Variants in MIPOL1 observed in about 807,000 individuals in gnomAD.
MIPOL1 encodes the protein mirror-image polydactyly 1.
Under a neutral mutation model 60.9 loss-of-function variants are expected in MIPOL1, and 57 were observed. The ratio of observed to expected loss-of-function variants is 0.94; its 90% confidence interval spans 0.76 to 1.17. The LOEUF (loss-of-function observed/expected upper bound fraction) is 1.17. MIPOL1 is among the 50% of genes most tolerant of loss of function. The probability of loss-of-function intolerance (pLI) is 0.00; values close to 1 mark genes in which losing one functional copy is unlikely to be tolerated. For missense variants in MIPOL1, 551 were observed against 511.6 expected (o/e 1.08, Z -0.74); for synonymous variants, 179 against 168.8 (o/e 1.06, Z -0.47).
intron 9 of MIPOL1, among the ~76,000 whole-genome samples, chr14:37,314,627 G>A (rs2087684222): frequency 6.6e-6 from 1 of 152,084 alleles, no homozygotes; most frequent in Non-Finnish European, 1.5e-5. Flanking sequence ...CTCACATGAA[G>A]CAATATTGAT....
intron 7 of MIPOL1, among the ~76,000 whole-genome samples, chr14:37,287,827 CCAT>C: frequency 1.3e-5 from 2 of 152,080 alleles, no homozygotes; most frequent in Middle Eastern, 6.8e-3. Context: ...CAGGGTTTCA[CCAT>C]GTTGCCCAGG....
intron 10 of MIPOL1, among the ~76,000 whole-genome samples, chr14:37,416,111 T>G (rs1426879577): frequency 6.6e-6 from 1 of 152,170 alleles, no homozygotes; most frequent in African/African-American, 2.4e-5. Context: ...ATAGTATAAG[T>G]CTTATACGTC....
rs1484405829 is a variant in MIPOL1 at position 37,205,184 on chromosome 14, A to G, written c.-199+7080A>G. Among the ~76,000 whole-genome samples, 4 of 151,818 alleles carry G rather than the reference A, an allele frequency of 2.6e-5. No individual in the cohort carries two copies. The East Asian group carries it at 7.7e-4, about 29-fold the overall frequency. ...AGTGACACGATCTCAGTTCACTGCA[A>G]CCTCCACCTCTGGGTTCAAGTGATT... On this transcript the variant is annotated intron_variant, in intron 1 of 12. Transcript: ENST00000684589.
chr14:37,425,527 G>C (rs953667904), intron 11 of MIPOL1, among the ~76,000 whole-genome samples: 6 of 152,088 alleles, frequency 3.9e-5, no homozygotes, highest in African/African-American at 1.4e-4. Flanking sequence ...ACTGGGATTT[G>C]CAATTAGACA....
intron 9 of MIPOL1, among the ~76,000 whole-genome samples, chr14:37,332,070 G>A (rs549449809): frequency 1.4e-4 from 22 of 152,122 alleles, no homozygotes; most frequent in African/African-American, 3.9e-4. Flanking sequence ...ACTGGGAGGC[G>A]GAGGTTGTAG....
intron 1 of MIPOL1, among the ~76,000 whole-genome samples, chr14:37,224,108 A>G (rs1054058655): frequency 1.3e-5 from 2 of 152,168 alleles, no homozygotes; most frequent in Non-Finnish European, 2.9e-5. Context: ...GTATCTAAAT[A>G]TTTATTTTAT....
In MIPOL1 at chr14:37,531,897, T is replaced by G. The variant is rs2095481802; in HGVS notation, c.1263-15008T>G. On this transcript the variant is annotated intron_variant, in intron 12 of 12. Coordinates refer to ENST00000684589, the MANE Select transcript of MIPOL1 (RefSeq NM_001388067.1). ...CTCCTCTGCTCTATAAGCTGTCATC[T>G]TGGTGGACAGAGAAGGTGGTGGGCC... Among the ~76,000 whole-genome samples, 2 of 152,200 alleles carry G rather than the reference T, an allele frequency of 1.3e-5. 1 individual carries two copies. Among genetic ancestry groups the G allele is most frequent in the African/African-American group, 4.8e-5 (2 of 41,448 alleles).
At chr14:37,263,287 A>G (rs2082639680) in intron 3 of MIPOL1, among the ~76,000 whole-genome samples, 1 of 152,186 alleles carries the variant, frequency 6.6e-6, no homozygotes, top group Non-Finnish European at 1.5e-5. Flanking sequence ...AAACAGCATG[A>G]AAGTCACTAG....
At chr14:37,464,632 T>A (rs1402547371) in intron 11 of MIPOL1, among the ~76,000 whole-genome samples, 3 of 152,142 alleles carry the variant, frequency 2.0e-5, no homozygotes, top group Admixed American at 6.5e-5. Flanking sequence ...GCCTGTTGGG[T>A]ACAATGTTCA....
Position 37,230,122 on chromosome 14 carries a change from G to T in MIPOL1, c.-198-16981G>T, listed in dbSNP as rs190974107. Among the ~76,000 whole-genome samples, 166 of 152,250 alleles carry T rather than the reference G, an allele frequency of 1.1e-3. 1 individual carries two copies. The highest frequency in any genetic ancestry group is 3.7e-3 in the African/African-American group (154 of 41,544). On this transcript the variant is annotated intron_variant, in intron 1 of 12. Transcript: ENST00000684589. ...TAATGCATATGTTAATTAGCTTGAT[G>T]CACCCATTCCACAATGTATATTTCA...
At chr14:37,452,788 G>A (rs2094437311) in intron 11 of MIPOL1, among the ~76,000 whole-genome samples, 1 of 152,182 alleles carries the variant, frequency 6.6e-6, no homozygotes, top group Non-Finnish European at 1.5e-5. Flanking sequence ...CAGTTTTGCA[G>A]CTCCCATTAA....
intron 11 of MIPOL1, among the ~76,000 whole-genome samples, chr14:37,474,251 C>T (rs985841699): frequency 6.6e-6 from 1 of 152,026 alleles, no homozygotes; most frequent in Non-Finnish European, 1.5e-5. Flanking sequence ...TTTGTATGGA[C>T]GTAGGTTTTT....
chr14:37,414,776 G>A (rs1158250698), intron 10 of MIPOL1, among the ~76,000 whole-genome samples: 1 of 152,094 alleles, frequency 6.6e-6, no homozygotes, highest in Non-Finnish European at 1.5e-5. Context: ...AAGTAAACAG[G>A]CACAGGTCTG....
rs568139708 is a variant in MIPOL1, at chr14:37,257,615, G to C, written c.20-9323G>C. The stretch of plus-strand genomic sequence containing the variant: ...TGGTGGATCTGGAAATCATAGCTAG[G>C]GTTCCCACAGGAAATGGTCCATCTA... On this transcript the variant is annotated intron_variant, in intron 3 of 12. Transcript: ENST00000684589. Among the ~76,000 whole-genome samples the C allele has an allele frequency of 2.0e-5, 3 of 152,202 alleles. No individual in the cohort carries two copies. In the South Asian group the frequency reaches 6.2e-4, roughly 32 times the overall value.
chr14:37,266,686 GC>G (rs1428111424), intron 3 of MIPOL1, among the ~76,000 whole-genome samples: 1 of 151,986 alleles, frequency 6.6e-6, no homozygotes, highest in Non-Finnish European at 1.5e-5. Context: ...AACTATAAAA[GC>G]CCCCAGGTCC....
At chr14:37,489,972 G>C (rs1266794600) in intron 11 of MIPOL1, among the ~76,000 whole-genome samples, 1 of 152,200 alleles carries the variant, frequency 6.6e-6, no homozygotes, top group East Asian at 1.9e-4. Context: ...AGCATAGCTT[G>C]AACGCTGTGC....
chr14:37,342,292 C>T (rs563100347), intron 9 of MIPOL1, among the ~76,000 whole-genome samples: 12 of 151,496 alleles, frequency 7.9e-5, no homozygotes, highest in African/African-American at 9.7e-5. Flanking sequence ...GGGAGGGAGG[C>T]GGAGGTTGCA....
chr14:37,529,548 T>C (rs193069020), intron 12 of MIPOL1, among the ~76,000 whole-genome samples: 12 of 152,352 alleles, frequency 7.9e-5, no homozygotes, highest in Admixed American at 2.0e-4. Flanking sequence ...ATAATGCTAG[T>C]AATATATTGC....
chr14:37,466,977 G>A (rs2094606052), intron 11 of MIPOL1, among the ~76,000 whole-genome samples: 1 of 152,130 alleles, frequency 6.6e-6, no homozygotes, highest in Non-Finnish European at 1.5e-5. Context: ...TTAAAGTAAA[G>A]TAAACAATAT....
Sources: gnomAD v4.1 joint callset for allele counts (sites outside exome capture counted in the v4.1 genomes callset) on GRCh38, gnomAD v4.1.1 for gene constraint, MANE v1.5 for transcripts, NCBI Gene and HGNC (gene_info 2026-07-23, HGNC 2026-07-21) for gene names.